GNG2: variants seen among roughly 807,000 people sequenced by gnomAD.
GNG2 encodes guanine nucleotide-binding protein G(I)/G(S)/G(O) subunit gamma-2.
A neutral mutation model predicts 5.5 loss-of-function variants in GNG2; 5 were observed. That is an observed-to-expected ratio of 0.91 (90% CI 0.48 to 1.92). The LOEUF (loss-of-function observed/expected upper bound fraction) is 1.92. GNG2 is among the 30% of genes most tolerant of loss of function. The probability of loss-of-function intolerance (pLI) is 0.01; values close to 1 mark genes in which losing one functional copy is unlikely to be tolerated. For missense variants in GNG2, 55 were observed against 88.4 expected (o/e 0.62, Z 1.52); for synonymous variants, 28 against 32.0 (o/e 0.88, Z 0.42).
intron 3 of GNG2, among the ~76,000 whole-genome samples, chr14:51,964,506 C>T (rs1414060070): frequency 6.6e-6 from 1 of 152,164 alleles, no homozygotes; most frequent in African/African-American, 2.4e-5. Context: ...ACTTCTCACT[C>T]CTACCATATG....
chr14:51,875,711 G>GA (rs1228660494), intron 1 of GNG2, among the ~76,000 whole-genome samples: 4 of 150,408 alleles, frequency 2.7e-5, no homozygotes, highest in Middle Eastern at 3.5e-3. Flanking sequence ...ATATATATTA[G>GA]AAAAAACATA....
upstream of GNG2, among the ~76,000 whole-genome samples, chr14:51,855,944 A>C (rs1216329487): frequency 6.6e-6 from 1 of 152,208 alleles, no homozygotes; most frequent in Non-Finnish European, 1.5e-5. Flanking sequence ...AGGCTGAGGC[A>C]GGTGGATCAC....
At chr14:51,919,243 TAACTG>T (rs1343118966) in intron 2 of GNG2, among the ~76,000 whole-genome samples, 1 of 152,228 alleles carries the variant, frequency 6.6e-6, no homozygotes, top group Non-Finnish European at 1.5e-5. Context: ...ATTTCAGAAG[TAACTG>T]GAGTGGTGTT....
At chr14:51,901,608 A>G (rs1053684495) in intron 2 of GNG2, among the ~76,000 whole-genome samples, 3 of 152,144 alleles carry the variant, frequency 2.0e-5, no homozygotes, top group African/African-American at 7.2e-5. Flanking sequence ...CAGCCCCAGT[A>G]GCCACTGAGT....
chr14:51,949,843 G>A (rs376295823), intron 2 of GNG2, among the ~76,000 whole-genome samples: 186 of 152,284 alleles, frequency 1.2e-3, no homozygotes, highest in African/African-American at 4.3e-3. Flanking sequence ...GAAAGGATAA[G>A]AAGAGAAATG....
intron 2 of GNG2, among the ~76,000 whole-genome samples, chr14:51,854,926 C>T (rs1390391557): frequency 1.3e-5 from 2 of 152,140 alleles, no homozygotes; most frequent in South Asian, 2.1e-4. Flanking sequence ...AGACCTCAGG[C>T]TTCATGGTTA....
intron 2 of GNG2, among the ~76,000 whole-genome samples, chr14:51,842,634 G>T (rs1359848724): frequency 2.0e-5 from 3 of 151,638 alleles, no homozygotes; most frequent in Non-Finnish European, 4.4e-5. Flanking sequence ...GCCTGTGTGT[G>T]ACCCTTTTTC....
intron 2 of GNG2, among the ~76,000 whole-genome samples, chr14:51,919,549 A>G (rs1109745): frequency 6.6e-6 from 1 of 152,088 alleles, no homozygotes; most frequent in Non-Finnish European, 1.5e-5. Context: ...TGTATCCCCA[A>G]TTTTGATGTT....
chr14:51,942,775 C>T (rs1456762006), intron 2 of GNG2, among the ~76,000 whole-genome samples: 2 of 151,428 alleles, frequency 1.3e-5, no homozygotes, highest in Non-Finnish European at 2.9e-5. Context: ...CTTAAAGAAT[C>T]AACCTTTGGT....
chr14:51,942,571 C>CTTTTTTTT (rs142157409), intron 2 of GNG2, among the ~76,000 whole-genome samples: 1 of 55,648 alleles, frequency 1.8e-5, no homozygotes, highest in Non-Finnish European at 3.7e-5. Flanking sequence ...TTTATTTTTT[C>CTTTTTTTT]TCTTTCTTTC....
chr14:51,833,223 TTCATGGAAAATCTACCTCCGGTAC>T (rs1316507986), intron 2 of GNG2, among the ~76,000 whole-genome samples: 1 of 152,166 alleles, frequency 6.6e-6, no homozygotes, highest in Non-Finnish European at 1.5e-5. Context: ...CAGTGAGAAT[TTCATGGAAAATCTACCTCCGGTAC>T]CTCTTCATAG....
At chr14:51,917,794 G>T (rs964486332) in intron 2 of GNG2, among the ~76,000 whole-genome samples, 1 of 152,132 alleles carries the variant, frequency 6.6e-6, no homozygotes, top group Admixed American at 6.5e-5. Context: ...ACCTTGGAAG[G>T]CCAAGGTGGG....
exon 2 of GNG2, chr14:51,827,716 G>T: frequency 1.4e-6 from 1 of 702,292 alleles, no homozygotes; most frequent in Non-Finnish European, 2.6e-6. Context: ...TGATTCCTGA[G>T]CCCAACCTGT....
chr14:51,943,898 T>A (rs1888494893), intron 2 of GNG2, among the ~76,000 whole-genome samples: 1 of 152,222 alleles, frequency 6.6e-6, no homozygotes, highest in Admixed American at 6.5e-5. Context: ...TGCAATCCAT[T>A]TCAAAATCCC....
At chr14:51,887,467 T>C (rs1884544112) in intron 2 of GNG2, among the ~76,000 whole-genome samples, 1 of 152,182 alleles carries the variant, frequency 6.6e-6, no homozygotes, top group Non-Finnish European at 1.5e-5. Flanking sequence ...CCACTGAAAA[T>C]GAATAAATCC....
At chr14:51,878,820 G>T (rs1774481885) in intron 2 of GNG2, among the ~76,000 whole-genome samples, 1 of 152,226 alleles carries the variant, frequency 6.6e-6, no homozygotes, top group Admixed American at 6.5e-5. Flanking sequence ...TCTTTCAGGT[G>T]AGGGCTGAGA....
At position 51,954,077 on chromosome 14, in the gene GNG2, A is replaced by T. The variant is rs373721812; in HGVS notation, c.87+3312A>T. Reference sequence around the variant, plus strand: ...CCTCATGTGACCCCCAGAATAAATTATGCTGCATAGAGTAGCCCTACTCTA... The same window carrying T: ...CCTCATGTGACCCCCAGAATAAATTTTGCTGCATAGAGTAGCCCTACTCTA... On this transcript the variant is annotated intron_variant, in intron 3 of 3. Coordinates refer to ENST00000556766, the MANE Select transcript of GNG2 (RefSeq NM_053064.5). Among the ~76,000 whole-genome samples the T allele has an allele frequency of 8.5e-5, 13 of 152,284 alleles. No homozygotes were observed. In the East Asian group the frequency reaches 1.3e-3, roughly 16 times the overall value.
intron 2 of GNG2, among the ~76,000 whole-genome samples, chr14:51,907,328 AAAT>A (rs1885997499): frequency 6.6e-6 from 1 of 152,198 alleles, no homozygotes; most frequent in Admixed American, 6.5e-5. Flanking sequence ...TTTAAACAGA[AAAT>A]AAATCATCCT....
At chr14:51,866,217 C>G (rs1882875359) in intron 1 of GNG2, among the ~76,000 whole-genome samples, 1 of 152,218 alleles carries the variant, frequency 6.6e-6, no homozygotes, top group African/African-American at 2.4e-5. Context: ...AGGAACCCAG[C>G]ACTCAGAGGT....
Sources: allele counts gnomAD v4.1 joint callset (sites outside exome capture counted in the v4.1 genomes callset), GRCh38; gene constraint gnomAD v4.1.1; transcripts MANE v1.5; gene names NCBI Gene and HGNC (gene_info 2026-07-23, HGNC 2026-07-21).